The following ZBTB7C variants were observed in gnomAD, a reference collection of about 807,000 sequenced individuals.
ZBTB7C encodes zinc finger and BTB domain-containing protein 7C.
Under a neutral mutation model 25.7 loss-of-function variants are expected in ZBTB7C, and 8 were observed. That is an observed-to-expected ratio of 0.31 (90% CI 0.18 to 0.56). The LOEUF (loss-of-function observed/expected upper bound fraction) is 0.56, where lower values mean the gene tolerates loss of function less well. Ranked by LOEUF, ZBTB7C falls within the 20% of genes least tolerant of loss-of-function variation. The pLI is 0.91. For missense variants in ZBTB7C, 824 were observed against 855.2 expected (o/e 0.96, Z 0.46); for synonymous variants, 394 against 369.0 (o/e 1.07, Z -0.78).
intron 3 of ZBTB7C, among the ~76,000 whole-genome samples, chr18:48,144,354 A>AT (rs959865902): frequency 3.3e-5 from 5 of 151,160 alleles, no homozygotes; most frequent in African/African-American, 9.7e-5. Context: ...CCTTTATTTT[A>AT]TTTTTTTTAG....
At chr18:48,290,138 T>C (rs2045179411) in intron 2 of ZBTB7C, among the ~76,000 whole-genome samples, 1 of 152,198 alleles carries the variant, frequency 6.6e-6, no homozygotes, top group Admixed American at 6.5e-5. Context: ...ACACGCTCAA[T>C]AAATGATAGC....
chr18:48,352,335 T>A (rs929393967), intron 1 of ZBTB7C, among the ~76,000 whole-genome samples: 2 of 152,210 alleles, frequency 1.3e-5, no homozygotes, highest in Admixed American at 6.5e-5. Context: ...CTTATCCAAG[T>A]GCTCACAGCC....
chr18:48,109,668 G>A (rs781414600), intron 3 of ZBTB7C, among the ~76,000 whole-genome samples: 2 of 152,184 alleles, frequency 1.3e-5, no homozygotes, highest in Non-Finnish European at 2.9e-5. Context: ...AGACAGCCGA[G>A]TGACAAGGGA....
At chr18:48,070,189 C>T (rs185744297) in intron 3 of ZBTB7C, among the ~76,000 whole-genome samples, 12 of 152,256 alleles carry the variant, frequency 7.9e-5, no homozygotes, top group Non-Finnish European at 1.6e-4. Context: ...GTCTGTGTGC[C>T]GGGCATTGCT....
intron 2 of ZBTB7C, among the ~76,000 whole-genome samples, chr18:48,263,350 G>T (rs1354530884): frequency 6.6e-6 from 1 of 152,226 alleles, no homozygotes; most frequent in Non-Finnish European, 1.5e-5. Context: ...GGGAGATGCT[G>T]GTGCAGCCTC....
chr18:48,112,338 T>C (rs1263289074), intron 3 of ZBTB7C, among the ~76,000 whole-genome samples: 2 of 122,152 alleles, frequency 1.6e-5, no homozygotes, highest in Admixed American at 1.0e-4. Flanking sequence ...ATAATGAACA[T>C]GATTTACTTT....
rs374994265 is a variant in ZBTB7C, at chr18:48,321,837, C to A, written c.-79+16337G>T. On this transcript the variant is annotated intron_variant, in intron 2 of 4. Transcript: ENST00000590800. ...GAGAGCAGCATCTCTGCATAAGCAC[C>A]CCCATCTCAATCTCCAATGAGCTGG... Among the ~76,000 whole-genome samples the A allele has an allele frequency of 6.6e-5, 10 of 152,316 alleles. No homozygotes were observed. The South Asian group carries it at 2.1e-3, about 32-fold the overall frequency.
At chr18:48,242,462 A>G (rs2043555267) in intron 2 of ZBTB7C, among the ~76,000 whole-genome samples, 2 of 152,228 alleles carry the variant, frequency 1.3e-5, no homozygotes, top group African/African-American at 2.4e-5. Flanking sequence ...ATAGCAGCTA[A>G]CCAATTCCAA....
intron 2 of ZBTB7C, among the ~76,000 whole-genome samples, chr18:48,198,470 A>AGTTTT (rs2042366083): frequency 6.6e-6 from 1 of 152,134 alleles, no homozygotes; most frequent in African/African-American, 2.4e-5. Context: ...GCTAAAACCA[A>AGTTTT]AGTGTCGGCA....
intron 2 of ZBTB7C, among the ~76,000 whole-genome samples, chr18:48,212,865 ATATAGGCCAAC>A (rs1045912920): frequency 1.3e-5 from 2 of 152,066 alleles, no homozygotes; most frequent in African/African-American, 2.4e-5. Flanking sequence ...GGGAAGGAGA[ATATAGGCCAAC>A]TTCGAAGAAT....
intron 2 of ZBTB7C, among the ~76,000 whole-genome samples, chr18:48,242,864 G>A (rs2043567422): frequency 6.6e-6 from 1 of 152,092 alleles, no homozygotes; most frequent in Non-Finnish European, 1.5e-5. Context: ...TCAGACAAGA[G>A]AAAGAAATAA....
chr18:48,338,076 TC>T (rs2046497204), intron 2 of ZBTB7C, 97 bp downstream of exon 2: 1 of 152,220 alleles, frequency 6.6e-6, no homozygotes, highest in South Asian at 2.1e-4. Context: ...TGCATAGTTA[TC>T]TTCCCACAGG....
At chr18:48,312,971 G>A (rs1298156041) in intron 2 of ZBTB7C, among the ~76,000 whole-genome samples, 1 of 152,168 alleles carries the variant, frequency 6.6e-6, no homozygotes, top group Non-Finnish European at 1.5e-5. Context: ...AAATGTAATA[G>A]TTCTTCATTC....
At chr18:48,371,781 A>G (rs894904856) in intron 1 of ZBTB7C, among the ~76,000 whole-genome samples, 1 of 152,254 alleles carries the variant, frequency 6.6e-6, no homozygotes, top group African/African-American at 2.4e-5. Context: ...AATAGGTGGT[A>G]GCGAAGATTA....
chr18:48,377,254 T>G (rs1197491269), intron 1 of ZBTB7C, among the ~76,000 whole-genome samples: 1 of 152,224 alleles, frequency 6.6e-6, no homozygotes, highest in Non-Finnish European at 1.5e-5. Flanking sequence ...TTGGGTCAGG[T>G]GCTGGAGATC....
intron 3 of ZBTB7C, among the ~76,000 whole-genome samples, chr18:48,166,226 T>C (rs957038822): frequency 6.6e-6 from 1 of 152,138 alleles, no homozygotes; most frequent in Non-Finnish European, 1.5e-5. Context: ...TGTTAAGCAA[T>C]AACTTCCCAA....
At chr18:48,098,661 T>C (rs764702412) in intron 3 of ZBTB7C, among the ~76,000 whole-genome samples, 1 of 152,236 alleles carries the variant, frequency 6.6e-6, no homozygotes, top group Non-Finnish European at 1.5e-5. Flanking sequence ...ATTTCATATC[T>C]GGTTCCTGGG....
chr18:48,408,138 A>C (rs538098112), intron 1 of ZBTB7C, among the ~76,000 whole-genome samples: 20 of 152,204 alleles, frequency 1.3e-4, no homozygotes, highest in African/African-American at 4.6e-4. Flanking sequence ...AGCGCACGCC[A>C]CCCACCCCCA....
chr18:48,401,982 C>T (rs2048168938), intron 1 of ZBTB7C, among the ~76,000 whole-genome samples: 1 of 152,106 alleles, frequency 6.6e-6, no homozygotes, highest in Non-Finnish European at 1.5e-5. Context: ...CACCAAGGCC[C>T]CAGAACACAC....
Sources: gnomAD v4.1 joint callset for allele counts (sites outside exome capture counted in the v4.1 genomes callset) on GRCh38, gnomAD v4.1.1 for gene constraint, MANE v1.5 for transcripts, NCBI Gene and HGNC (gene_info 2026-07-23, HGNC 2026-07-21) for gene names.